EIPR1: variants seen among roughly 807,000 people sequenced by gnomAD.
The protein encoded by EIPR1 is EARP and GARP complex-interacting protein 1.
In EIPR1, 25 loss-of-function variants were observed where a neutral mutation model predicts 48.1. The ratio of observed to expected loss-of-function variants is 0.52; its 90% CI spans 0.38 to 0.73. The LOEUF (loss-of-function observed/expected upper bound fraction) is 0.73. EIPR1 is among the 30% of genes least tolerant of loss of function. The pLI is 0.00. For synonymous variants in EIPR1, 204 were observed against 201.9 expected (o/e 1.01, Z -0.09); for missense variants, 415 against 506.2 (o/e 0.82, Z 1.73).
At chr2:3,328,270 G>T (rs115077171) in intron 3 of EIPR1, among the ~76,000 whole-genome samples, 2 of 152,150 alleles carry the variant, frequency 1.3e-5, no homozygotes, top group Non-Finnish European at 2.9e-5. Flanking sequence ...CACCTGGGGG[G>T]TGCCACCCCT....
intron 1 of EIPR1, among the ~76,000 whole-genome samples, chr2:3,356,725 C>T (rs1476480853): frequency 1.3e-5 from 2 of 152,180 alleles, no homozygotes; most frequent in African/African-American, 4.8e-5. Context: ...AATCAGAAAA[C>T]CTTCCCTGGC....
chr2:3,219,793 C>G (rs1348984429), intron 4 of EIPR1, among the ~76,000 whole-genome samples: 1 of 151,886 alleles, frequency 6.6e-6, no homozygotes, highest in African/African-American at 2.4e-5. Flanking sequence ...GGTGCACACC[C>G]GGCATGGCTC....
At chr2:3,196,789 G>A (rs1340727870) in intron 6 of EIPR1, 92 bp downstream of exon 6, 3 of 1,506,890 alleles carry the variant, frequency 2.0e-6, no homozygotes, top group East Asian at 2.4e-5. Context: ...GCCCCCAAAG[G>A]CATGTGGCTC....
intron 3 of EIPR1, among the ~76,000 whole-genome samples, chr2:3,303,685 G>T (rs764274932): frequency 2.6e-5 from 4 of 152,182 alleles, no homozygotes; most frequent in Non-Finnish European, 5.9e-5. Context: ...CCACAAACCC[G>T]CCAGACGCCG....
At chr2:3,213,708 G>A (rs1420329249) in intron 5 of EIPR1, among the ~76,000 whole-genome samples, 2 of 152,154 alleles carry the variant, frequency 1.3e-5, no homozygotes, top group Non-Finnish European at 2.9e-5. Context: ...AGTGACATCT[G>A]AACGGCTTTC....
chr2:3,306,023 AC>A (rs1209497133), intron 3 of EIPR1, among the ~76,000 whole-genome samples: 6 of 152,190 alleles, frequency 3.9e-5, no homozygotes, highest in African/African-American at 1.2e-4. Flanking sequence ...GTCTGAGCCC[AC>A]TACAATGTAA....
chr2:3,199,038 C>G (rs756478121), intron 5 of EIPR1, among the ~76,000 whole-genome samples: 1 of 113,908 alleles, frequency 8.8e-6, no homozygotes, highest in East Asian at 2.2e-4. Flanking sequence ...TGGCAGACAC[C>G]CCCAGAGTGG....
intron 4 of EIPR1, among the ~76,000 whole-genome samples, chr2:3,230,937 T>C (rs1418233667): frequency 6.6e-6 from 1 of 152,182 alleles, no homozygotes; most frequent in African/African-American, 2.4e-5. Flanking sequence ...TGATTTTGGG[T>C]GGTATGGACA....
chr2:3,323,172 T>C (rs138531167), intron 3 of EIPR1, among the ~76,000 whole-genome samples: 45 of 152,094 alleles, frequency 3.0e-4, no homozygotes, highest in African/African-American at 1.0e-3. Context: ...AATTATAAAA[T>C]TTCATTCCAT....
At chr2:3,210,129 G>A (rs372851200) in intron 5 of EIPR1, among the ~76,000 whole-genome samples, 7 of 151,346 alleles carry the variant, frequency 4.6e-5, no homozygotes, top group African/African-American at 1.7e-4. Context: ...GGAAATCTCT[G>A]TATCATCCAC....
At position 3,297,093 on chromosome 2, in the gene EIPR1, A is replaced by G. The variant is rs542343728; in HGVS notation, c.260-39638T>C. The stretch of plus-strand genomic sequence containing the variant: ...GTCCATGAGCTCCTGGGTGGCAGGG[A>G]TTAGGTGGGCTTAATTGTGTCTGTG... On this transcript the variant is annotated intron_variant, in intron 3 of 8. Transcript: ENST00000382125. 2.0e-5 allele frequency among the ~76,000 whole-genome samples: 3 copies of G among 152,292 alleles called. No individual in the cohort carries two copies. In the South Asian group the frequency reaches 6.2e-4, roughly 32 times the overall value.
intron 1 of EIPR1, among the ~76,000 whole-genome samples, chr2:3,359,173 C>T (rs1348159934): frequency 6.6e-6 from 1 of 152,154 alleles, no homozygotes; most frequent in Admixed American, 6.5e-5. Flanking sequence ...TAACATTTAT[C>T]AAAATGAACC....
chr2:3,321,292 T>C (rs1319403813), intron 3 of EIPR1, among the ~76,000 whole-genome samples: 3 of 152,216 alleles, frequency 2.0e-5, no homozygotes, highest in Admixed American at 6.5e-5. Flanking sequence ...AGTCAATCTT[T>C]TAACATCTGC....
intron 3 of EIPR1, among the ~76,000 whole-genome samples, chr2:3,280,542 C>T (rs1390318402): frequency 6.6e-6 from 1 of 152,182 alleles, no homozygotes; most frequent in African/African-American, 2.4e-5. Flanking sequence ...CTGGCCAACT[C>T]GCTCACAACC....
At chr2:3,293,197 T>C (rs2103276586) in intron 3 of EIPR1, among the ~76,000 whole-genome samples, 1 of 152,320 alleles carries the variant, frequency 6.6e-6, no homozygotes, top group South Asian at 2.1e-4. Context: ...CTCAGCAACA[T>C]TCTAGCACAG....
At chr2:3,305,472 C>T in intron 3 of EIPR1, among the ~76,000 whole-genome samples, 1 of 151,662 alleles carries the variant, frequency 6.6e-6, no homozygotes, top group Non-Finnish European at 1.5e-5. Flanking sequence ...CCAGTTCAAC[C>T]CTCCACTCCC....
chr2:3,291,801 A>T (rs1303810881), intron 3 of EIPR1, among the ~76,000 whole-genome samples: 2 of 152,210 alleles, frequency 1.3e-5, no homozygotes, highest in Non-Finnish European at 2.9e-5. Flanking sequence ...TCAAATATCA[A>T]CCTTAGTGCC....
At chr2:3,360,570 A>G (rs2103382758) in intron 1 of EIPR1, among the ~76,000 whole-genome samples, 1 of 152,296 alleles carries the variant, frequency 6.6e-6, no homozygotes, top group South Asian at 2.1e-4. Context: ...CCTTACAACT[A>G]CTTAGAGTAG....
intron 3 of EIPR1, among the ~76,000 whole-genome samples, chr2:3,336,406 C>T (rs1670043268): frequency 6.6e-6 from 1 of 152,190 alleles, no homozygotes; most frequent in Non-Finnish European, 1.5e-5. Flanking sequence ...CACTCAGCCA[C>T]ATGCCATGCT....
Sources: allele counts gnomAD v4.1 joint callset (sites outside exome capture counted in the v4.1 genomes callset), GRCh38; gene constraint gnomAD v4.1.1; transcripts MANE v1.5; gene names NCBI Gene and HGNC (gene_info 2026-07-23, HGNC 2026-07-21).